Variants in CYP46A1 observed in about 807,000 individuals in gnomAD.
The protein encoded by CYP46A1 is cytochrome P450 family 46 subfamily A member 1, also known as cholesterol 24-hydroxylase.
Under a neutral mutation model 63.3 loss-of-function variants are expected in CYP46A1, and 20 were observed. The ratio of observed to expected loss-of-function variants is 0.32; its 90% CI spans 0.22 to 0.46. The LOEUF is 0.46. CYP46A1 is among the 20% of genes least tolerant of loss of function. CYP46A1 has a pLI of 1.00. For synonymous variants in CYP46A1, 268 were observed against 273.6 expected, an observed-to-expected ratio of 0.98 and a Z score of 0.20; for missense variants, 445 against 670.8, an observed-to-expected ratio of 0.66 and a Z score of 3.72.
Position 99,706,693 on chromosome 14 carries a change from C to G in CYP46A1, c.490C>G (p.Leu164Val). Residue 164 changes from leucine (L) to valine (V), a missense_variant, in exon 6 of 15, where the codon CTG becomes GTG. By Grantham distance (32) the Leu-to-Val change is conservative (BLOSUM62 1). This residue lies in a region of CYP46A1 where 252 missense variants were observed against 383.3 expected (regional missense o/e 0.66). Coordinates refer to ENST00000261835, the MANE Select transcript of CYP46A1 (RefSeq NM_006668.2). ...AACATTCAACGAGAAGGCTGAGCAG[C>G]TGGTGGAGATTCTAGAAGCCAAGGC... ...METFNEKAEQ[L>V]VEILEAKADG... 6.2e-7 allele frequency: 1 copy of G among 1,613,988 alleles called. No homozygotes were observed. The highest frequency in any genetic ancestry group is 8.5e-7 in the Non-Finnish European group (1 of 1,180,032).
intron 5 of CYP46A1, among the ~76,000 whole-genome samples, chr14:99,701,089 GTGTT>G (rs1486432284): frequency 1.3e-5 from 2 of 152,182 alleles, no homozygotes; most frequent in Non-Finnish European, 1.5e-5. Context: ...CAATTGAACA[GTGTT>G]TGTGTTTTAA....
chr14:99,693,994 C>T (rs2056564880), intron 3 of CYP46A1, among the ~76,000 whole-genome samples: 1 of 152,154 alleles, frequency 6.6e-6, no homozygotes, highest in Admixed American at 6.5e-5. Context: ...ATTCCCCTCC[C>T]CCCAGACCCT....
rs188075791 is a variant in CYP46A1 at position 99,721,248 on chromosome 14, C to T, written c.990C>T (p.Ala330=). 10 of 1,613,782 alleles carry T rather than the reference C, an allele frequency of 6.2e-6. No homozygotes were observed. Among genetic ancestry groups the T allele is most frequent in the Admixed American group, 3.3e-5 (2 of 60,010 alleles). The change falls in exon 11 of 15, where the codon GCC becomes GCT. Residue 330 remains alanine (A), a synonymous_variant. Transcript: ENST00000261835. The part of the protein sequence containing the change: ...RQPEIVARLQ[A]EVDEVIGSKR... ...TTGTCTTACCCCACAGGCTGCAGGC[C>T]GAGGTGGATGAGGTCATTGGTTCTA...
chr14:99,701,123 G>C (rs1019469694), intron 5 of CYP46A1, among the ~76,000 whole-genome samples: 4 of 152,160 alleles, frequency 2.6e-5, no homozygotes, highest in Non-Finnish European at 5.9e-5. Flanking sequence ...TATTACAAGA[G>C]TCAAAAATAT....
In CYP46A1 at chr14:99,721,253, T is replaced by C; in HGVS notation, c.995T>C (p.Val332Ala). ...TTACCCCACAGGCTGCAGGCCGAGG[T>C]GGATGAGGTCATTGGTTCTAAGAGG... ...PEIVARLQAE[V>A]DEVIGSKRYL... is the part of the protein sequence containing the mutation. Residue 332 changes from valine (V) to alanine (A), a missense_variant, in exon 11 of 15, where the codon GTG (valine) becomes GCG (alanine). By Grantham distance (64) the Val-to-Ala change is moderately conservative. Transcript: ENST00000261835. 1 of 1,613,828 alleles carries C rather than the reference T, an allele frequency of 6.2e-7. No homozygotes were observed.
chr14:99,686,553 CTG>C (rs1398206729), intron 1 of CYP46A1, among the ~76,000 whole-genome samples: 6 of 152,316 alleles, frequency 3.9e-5, no homozygotes, highest in African/African-American at 1.4e-4. Flanking sequence ...CTTTCTGTCT[CTG>C]TGGATTTGCC....
intron 3 of CYP46A1, among the ~76,000 whole-genome samples, chr14:99,698,809 G>C (rs2056606693): frequency 1.3e-5 from 2 of 152,228 alleles, no homozygotes; most frequent in South Asian, 4.1e-4. Context: ...CTCAAGAGCT[G>C]TTGGCTGATG....
chr14:99,702,280 A>T (rs1038762745), intron 5 of CYP46A1, among the ~76,000 whole-genome samples: 2 of 152,120 alleles, frequency 1.3e-5, no homozygotes, highest in African/African-American at 4.8e-5. Context: ...ATCTATATTA[A>T]TGCCTCATTC....
chr14:99,718,780 A>G (rs1001806474), intron 10 of CYP46A1, among the ~76,000 whole-genome samples: 1 of 152,198 alleles, frequency 6.6e-6, no homozygotes, highest in Non-Finnish European at 1.5e-5. Flanking sequence ...TCAGCAGCAT[A>G]TAAGGGCGGA....
chr14:99,723,970 C>T (rs562748410), intron 12 of CYP46A1, among the ~76,000 whole-genome samples: 1 of 152,250 alleles, frequency 6.6e-6, no homozygotes, highest in Non-Finnish European at 1.5e-5. Context: ...GTCCTGGAGG[C>T]TGGAAGTCTG....
intron 3 of CYP46A1, among the ~76,000 whole-genome samples, chr14:99,695,164 G>A (rs547356203): frequency 6.6e-6 from 1 of 152,172 alleles, no homozygotes; most frequent in Admixed American, 6.5e-5. Flanking sequence ...TCATCATCAT[G>A]ATTTCAGTCC....
At chr14:99,705,380 A>AT (rs2056666919) in intron 5 of CYP46A1, among the ~76,000 whole-genome samples, 1 of 148,208 alleles carries the variant, frequency 6.7e-6, no homozygotes, top group African/African-American at 2.4e-5. Flanking sequence ...GCTAGTTTTT[A>AT]TTTTTATTTT....
chr14:99,699,338 T>C (rs1419471034), intron 3 of CYP46A1, 128 bp from the exon 4 acceptor site: 2 of 847,972 alleles, frequency 2.4e-6, no homozygotes, highest in African/African-American at 1.7e-5. Flanking sequence ...TGTGGGATCA[T>C]GCATGGGAAG....
rs141427322 is a variant in CYP46A1 at position 99,699,360 on chromosome 14, C to T, written c.283-106C>T. 4.2e-3 allele frequency: 4,391 copies of T among 1,049,098 alleles called. 10 individuals carry two copies. Among genetic ancestry groups the T allele is most frequent in the Middle Eastern group, 5.9e-3 (29 of 4,892 alleles). The allele number at this position is 1,049,098 out of a possible 1,614,324, so 65.0% of individuals were successfully genotyped here. A position where few individuals can be genotyped will look rare whatever the true frequency, so the allele number is the denominator to read the frequency against. ...TCATGCATGGGAAGTGGGCACACTG[C>T]GGCTGAGACTCAGCCAATGGTGATT... On this transcript the variant is annotated intron_variant, in intron 3 of 14. Transcript: ENST00000261835.
In CYP46A1 at chr14:99,722,088, CCTGGGGTGGG is replaced by C; in HGVS notation, c.1176+28_1176+37del. 6.3e-7 allele frequency: 1 copy of C among 1,588,574 alleles called. No individual in the cohort carries two copies. The highest frequency in any genetic ancestry group is 8.6e-7 in the Non-Finnish European group (1 of 1,161,284). Reference sequence around the variant, plus strand: ...CTTGGTGGGTGGAGGCCCTGGGGGTCCTGGGGTGGGCTGGGCTGCTTGCCCCAATGGTGGT... The same window carrying C: ...CTTGGTGGGTGGAGGCCCTGGGGGTCCTGGGCTGCTTGCCCCAATGGTGGT... On this transcript the variant is annotated intron_variant, in intron 12 of 14. Transcript: ENST00000261835. The surrounding 1 kb of genome is among the most constrained non-coding windows in gnomAD (Gnocchi z 4.6).
chr14:99,706,567 C>T lies in CYP46A1; in HGVS notation c.444-80C>T, dbSNP rs946325020. 2.5e-6 allele frequency: 4 copies of T among 1,572,460 alleles called. No individual in the cohort carries two copies. The Admixed American group carries it at 5.1e-5, about 20-fold the overall frequency. ...CCACCTTCACTCTGCACAGTATCCT[C>T]TCTGTGGAGAGGGAGGGCACATGGC... On this transcript the variant is annotated intron_variant, in intron 5 of 14. Coordinates refer to ENST00000261835, the MANE Select transcript of CYP46A1 (RefSeq NM_006668.2).
Position 99,726,715 on chromosome 14 carries a change from A to AC in CYP46A1, c.1497dup (p.Cys500LeufsTer152). On this transcript the variant is annotated frameshift_variant, in exon 15 of 15. Transcript: ENST00000261835. LOFTEE classifies it high-confidence loss of function. ...GCGGCTGGCAGCCCGCACCCCCACCACCCCCCTGCTGAGGGGGCCTCCAGG... is the reference window on the plus strand; with the variant it reads ...GCGGCTGGCAGCCCGCACCCCCACCACCCCCCCTGCTGAGGGGGCCTCCAGG... 6.6e-7 allele frequency: 1 copy of AC among 1,509,184 alleles called. No homozygotes were observed. The highest frequency in any genetic ancestry group is 8.9e-7 in the Non-Finnish European group (1 of 1,125,890). The allele number at this position is 1,509,184 out of a possible 1,614,324, so 93.5% of individuals were successfully genotyped here. A position where few individuals can be genotyped will look rare whatever the true frequency, so the allele number is the denominator to read the frequency against.
chr14:99,718,188 A>G, intron 10 of CYP46A1, 62 bp downstream of exon 10: 1 of 1,386,410 alleles, frequency 7.2e-7, no homozygotes, highest in Non-Finnish European at 1.0e-6. Flanking sequence ...CCTGAGGGCC[A>G]CCTGCCCCCA....
intron 4 of CYP46A1, among the ~76,000 whole-genome samples, 174 bp downstream of exon 4, chr14:99,699,713 C>T (rs2056614431): frequency 6.6e-6 from 1 of 152,164 alleles, no homozygotes; most frequent in South Asian, 2.1e-4. Context: ...GCAGTTTCCT[C>T]CTTCTCCCCC....
Sources: allele counts gnomAD v4.1 joint callset (sites outside exome capture counted in the v4.1 genomes callset), GRCh38; gene constraint gnomAD v4.1.1; regional missense constraint gnomAD v4.1.1; non-coding constraint Gnocchi (gnomAD v3.1); transcripts MANE v1.5; gene names NCBI Gene and HGNC (gene_info 2026-07-23, HGNC 2026-07-21).